ZAN: variants seen among roughly 807,000 people sequenced by gnomAD.
ZAN encodes the protein zonadhesin (gene/pseudogene).
ZAN carries 260 observed loss-of-function variants against 286.2 expected under a neutral mutation model. The observed-to-expected ratio is 0.91, with a 90% CI of 0.82 to 1.01. The LOEUF is 1.01. ZAN is among the 50% of genes least tolerant of loss of function. ZAN has a pLI of 0.00. For missense variants in ZAN, 3,410 were observed against 3,639.2 expected (o/e 0.94, Z 1.62); for synonymous variants, 1,368 against 1,417.5 (o/e 0.97, Z 0.79).
At chr7:100,768,287 C>T (rs1014977830) in intron 26 of ZAN, among the ~76,000 whole-genome samples, 1 of 152,174 alleles carries the variant, frequency 6.6e-6, no homozygotes, top group Admixed American at 6.5e-5. Context: ...GCCTGGCCAA[C>T]ATGGCAAAAA....
chr7:100,792,752 C>A (rs1812073183), intron 42 of ZAN, among the ~76,000 whole-genome samples: 1 of 152,028 alleles, frequency 6.6e-6, no homozygotes, highest in Non-Finnish European at 1.5e-5. Flanking sequence ...CCCCATCCCG[C>A]ATCCCGCTCC....
Position 100,785,996 on chromosome 7 carries a change from G to A in ZAN, c.6835-1G>A. 6.2e-7 allele frequency: 1 copy of A among 1,613,088 alleles called. No individual in the cohort carries two copies. Among genetic ancestry groups the A allele is most frequent in the South Asian group, 1.1e-5 (1 of 91,036 alleles). ...TCTTTCTCTTCCTGTAACTTCTACA[G>A]CTGGGCAAGAGCTGGGTCTCCAGCG... On this transcript the variant is annotated splice_acceptor_variant, in intron 36 of 47. Transcript: ENST00000613979. LOFTEE classifies it high-confidence loss of function.
rs1284223316 is a variant in ZAN at position 100,797,475 on chromosome 7, G to C, written c.8366+10G>C. 4 of 1,613,798 alleles carry C rather than the reference G, an allele frequency of 2.5e-6. No homozygotes were observed. The highest frequency in any genetic ancestry group is 3.4e-6 in the Non-Finnish European group (4 of 1,179,854). ...GAACGAGGAGGAAGAGGTGAGTCCTGGGAAGGAGAGAGGAAGGGCGGGTGG... is the reference window on the plus strand; with the variant it reads ...GAACGAGGAGGAAGAGGTGAGTCCTCGGAAGGAGAGAGGAAGGGCGGGTGG... On this transcript the variant is annotated intron_variant, in intron 46 of 47. Transcript: ENST00000613979.
chr7:100,751,046 G>T, intron 12 of ZAN, 136 bp from the exon 13 acceptor site: 1 of 1,374,370 alleles, frequency 7.3e-7, no homozygotes, highest in East Asian at 2.5e-5. Context: ...GAAAGGGGCC[G>T]GGATGGGGCT....
chr7:100,738,880 TCTCCCTCTCCC>T (rs1807509361), intron 7 of ZAN, among the ~76,000 whole-genome samples: 3 of 8,216 alleles, frequency 3.7e-4, no homozygotes, highest in Non-Finnish European at 4.8e-4. Context: ...TTCTTCTCCC[TCTCCCTCTCCC>T]TCTCCCTCTC....
At chr7:100,791,842 C>A in intron 40 of ZAN, 124 bp from the exon 41 acceptor site, 1 of 1,212,588 alleles carries the variant, frequency 8.2e-7, no homozygotes, top group Non-Finnish European at 1.1e-6. Context: ...ATCCTCCTGC[C>A]TCAGCCTCCC....
intron 39 of ZAN, among the ~76,000 whole-genome samples, chr7:100,789,979 G>A (rs576138087): frequency 6.6e-6 from 1 of 151,520 alleles, no homozygotes; most frequent in African/African-American, 2.4e-5. Flanking sequence ...TGAGACAGGT[G>A]TGATGGTGCA....
Position 100,750,707 on chromosome 7 carries a change from C to A in ZAN, c.1332C>A (p.Ala444=). ...GACTGGTGAGCCGGCCCTTCTGCGC[C>A]CCAGGTGACATCTGCGTGGAGTTCG... The part of the protein sequence containing the change: ...SVRLVSRPFC[A]PGDICVEFAY... Residue 444 remains alanine (A), a synonymous_variant, in exon 12 of 48, where the codon GCC becomes GCA. Coordinates refer to ENST00000613979, the MANE Select transcript of ZAN (RefSeq NM_003386.3). The A allele has an allele frequency of 4.3e-6, 7 of 1,613,244 alleles. No individual in the cohort carries two copies. Among genetic ancestry groups the A allele is most frequent in the Non-Finnish European group, 5.9e-6 (7 of 1,179,652 alleles).
intron 44 of ZAN, among the ~76,000 whole-genome samples, chr7:100,794,949 GAGA>G (rs144620452): frequency 0.019 from 2,816 of 151,388 alleles, 99 homozygotes; most frequent in African/African-American, 0.065. Context: ...GAGGGAAGGA[GAGA>G]AGGAGGGAGG....
Position 100,752,156 on chromosome 7 carries a change from T to A in ZAN, c.2051T>A (p.Ile684Asn), listed in dbSNP as rs1456950122. The change falls in exon 14 of 48, where the codon ATC (isoleucine) becomes AAC (asparagine). Residue 684 changes from isoleucine (I) to asparagine (N), a missense_variant. Coordinates refer to ENST00000613979, the MANE Select transcript of ZAN (RefSeq NM_003386.3). ...EPVIPTEKPS[I>N]PTEKPSIPTE... ...GTCATCCCTACAGAAAAACCCAGCA[T>A]CCCTACAGAAAAACCCAGCATCCCC... is the stretch of plus-strand genomic sequence containing the variant. 3 of 1,606,938 alleles carry A rather than the reference T, an allele frequency of 1.9e-6. No homozygotes were observed. The highest frequency in any genetic ancestry group is 3.3e-4 in the Middle Eastern group (2 of 6,034).
rs1414286238 is a variant in ZAN at position 100,752,556 on chromosome 7, C to A, written c.2451C>A (p.Ile817=). 6.2e-7 allele frequency: 1 copy of A among 1,613,240 alleles called. No homozygotes were observed. The highest frequency in any genetic ancestry group is 1.7e-5 in the Admixed American group (1 of 59,902). ...ETTISTEKPS[I]PMEKPTLPTE... ...CCATCTCCACAGAAAAACCCAGCAT[C>A]CCCATGGAAAAACCCACTCTCCCCA... Residue 817 remains isoleucine, a synonymous_variant, in exon 14 of 48, where the codon ATC becomes ATA. Transcript: ENST00000613979.
chr7:100,756,617 C>T (rs1562929575), intron 15 of ZAN, among the ~76,000 whole-genome samples: 1 of 152,008 alleles, frequency 6.6e-6, no homozygotes, highest in Non-Finnish European at 1.5e-5. Context: ...GCTTCAGCCA[C>T]AGCCTGGGCA....
intron 15 of ZAN, among the ~76,000 whole-genome samples, chr7:100,756,129 A>G (rs1357513893): frequency 1.3e-5 from 2 of 152,200 alleles, no homozygotes; most frequent in East Asian, 1.9e-4. Flanking sequence ...CCATATTTAT[A>G]AAGTGTACAC....
In ZAN at chr7:100,767,103, C is replaced by G; in HGVS notation, c.4706C>G (p.Thr1569Ser). ...HFMGTCTYVL[T>S]RPCWSRSQDS... ...ATGGGCACCTGCACCTATGTCCTGACCCGGCCTTGCTGGTCCAGGTCCCAA... is the reference window on the plus strand; with the variant it reads ...ATGGGCACCTGCACCTATGTCCTGAGCCGGCCTTGCTGGTCCAGGTCCCAA... Residue 1569 changes from threonine (T) to serine (S), a missense_variant, in exon 25 of 48, where the codon ACC becomes AGC. Transcript: ENST00000613979. The G allele has an allele frequency of 6.2e-7, 1 of 1,613,930 alleles. No individual in the cohort carries two copies. The highest frequency in any genetic ancestry group is 8.5e-7 in the Non-Finnish European group (1 of 1,179,886).
chr7:100,793,948 T>A lies in ZAN; in HGVS notation c.7916T>A (p.Leu2639Gln). Residue 2639 changes from leucine (L) to glutamine (Q), a missense_variant, in exon 43 of 48, where the codon CTA becomes CAA. This residue lies in a region of ZAN where 1,289 missense variants were observed against 1,314.3 expected (regional missense o/e 0.98). Transcript: ENST00000613979. ...GGAAGGCTGCGCCAGCATCCCAGGC[T>A]ATGCCTACAGTGGCACCCAGAGCCT... is the stretch of plus-strand genomic sequence containing the variant. ...LRGRLRQHPR[L>Q]CLQWHPEPPL... 6.2e-7 allele frequency: 1 copy of A among 1,613,950 alleles called. No individual in the cohort carries two copies. The highest frequency in any genetic ancestry group is 8.5e-7 in the Non-Finnish European group (1 of 1,179,876).
chr7:100,747,411 A>G, intron 8 of ZAN, 139 bp from the exon 9 acceptor site: 1 of 667,128 alleles, frequency 1.5e-6, no homozygotes, highest in Non-Finnish European at 2.6e-6. Context: ...AATAAATAAA[A>G]TAAAAAAGAA....
At chr7:100,780,920 G>A (rs995429109) in intron 35 of ZAN, among the ~76,000 whole-genome samples, 1 of 151,654 alleles carries the variant, frequency 6.6e-6, no homozygotes, top group African/African-American at 2.4e-5. Context: ...TGAGACCCCC[G>A]CATCGCTACA....
At chr7:100,765,617 C>T in intron 23 of ZAN, 63 bp downstream of exon 23, 1 of 1,495,552 alleles carries the variant, frequency 6.7e-7, no homozygotes, top group South Asian at 1.2e-5. Flanking sequence ...TGCTCTCACA[C>T]CCCCTGCAAG....
intron 37 of ZAN, among the ~76,000 whole-genome samples, chr7:100,787,611 G>A (rs1455927952): frequency 6.6e-6 from 1 of 152,130 alleles, no homozygotes; most frequent in East Asian, 1.9e-4. Flanking sequence ...CCAGGCTGGA[G>A]TGCAGTGGCG....
Sources: gnomAD v4.1 joint callset for allele counts (sites outside exome capture counted in the v4.1 genomes callset) on GRCh38, gnomAD v4.1.1 for gene constraint, gnomAD v4.1.1 regional missense constraint, MANE v1.5 for transcripts, NCBI Gene and HGNC (gene_info 2026-07-23, HGNC 2026-07-21) for gene names.